RPA3: variants seen among roughly 807,000 people sequenced by gnomAD.
The protein encoded by RPA3 is replication protein A 14 kDa subunit.
In RPA3, 24 loss-of-function variants were observed where a neutral mutation model predicts 13.7. That is an observed-to-expected ratio of 1.75 (90% CI 1.27 to 2.46). RPA3 has a LOEUF of 2.46. RPA3 is among the 30% of genes most tolerant of loss of function. The pLI is 0.00. For synonymous variants in RPA3, 59 were observed against 51.2 expected (o/e 1.15, Z -0.65); for missense variants, 183 against 151.0 (o/e 1.21, Z -1.11).
chr7:7,639,152 C>G lies in RPA3; in HGVS notation c.100-8G>C. ...TTTTCCGGTGGGATGAATCTAAAAA[C>G]GAAACATATAATTAAAATCTCACTA... On this transcript the variant is annotated splice_polypyrimidine_tract_variant and splice_region_variant and intron_variant, in intron 5 of 7. Transcript: ENST00000223129. 6.2e-7 allele frequency: 1 copy of G among 1,603,052 alleles called. No homozygotes were observed. Among genetic ancestry groups the G allele is most frequent in the Non-Finnish European group, 8.5e-7 (1 of 1,174,198 alleles).
chr7:7,713,507 A>G (rs1266315909), intron 2 of RPA3, among the ~76,000 whole-genome samples: 1 of 149,210 alleles, frequency 6.7e-6, no homozygotes, highest in African/African-American at 2.5e-5. Context: ...TTGCTTTACT[A>G]TTTATTTTCT....
intron 4 of RPA3, among the ~76,000 whole-genome samples, chr7:7,674,174 C>T (rs1047320548): frequency 3.3e-5 from 5 of 152,170 alleles, no homozygotes; most frequent in Non-Finnish European, 5.9e-5. Context: ...TGGACCTCCT[C>T]CCACCAAATT....
At chr7:7,682,662 G>A (rs1354142736) in intron 4 of RPA3, among the ~76,000 whole-genome samples, 1 of 152,182 alleles carries the variant, frequency 6.6e-6, no homozygotes, top group Non-Finnish European at 1.5e-5. Flanking sequence ...TACAAAAAAT[G>A]TATACCAGAT....
At chr7:7,642,705 A>G (rs1345422751) in intron 4 of RPA3, among the ~76,000 whole-genome samples, 2 of 152,172 alleles carry the variant, frequency 1.3e-5, no homozygotes, top group Non-Finnish European at 2.9e-5. Context: ...GAGAAATGAA[A>G]TGAATCCATG....
chr7:7,640,229 G>A, intron 5 of RPA3, 91 bp downstream of exon 5: 3 of 1,351,024 alleles, frequency 2.2e-6, no homozygotes, highest in Non-Finnish European at 3.2e-6. Flanking sequence ...AGTGATCGGA[G>A]GCTTTCCGTC....
rs374767756 is a variant in RPA3 at position 7,676,787 on chromosome 7, C to T, written c.-758+9043G>A. On this transcript the variant is annotated intron_variant, in intron 4 of 7. Coordinates refer to ENST00000223129, the MANE Select transcript of RPA3 (RefSeq NM_002947.5). Reference sequence around the variant, plus strand: ...TATATGGTTTAATTAGTGAAAACATCCTTCAGTGGTGAAGAACTTAACTGA... The same window carrying T: ...TATATGGTTTAATTAGTGAAAACATTCTTCAGTGGTGAAGAACTTAACTGA... 4.9e-4 allele frequency among the ~76,000 whole-genome samples: 74 copies of T among 152,178 alleles called. No homozygotes were observed. The South Asian group carries it at 8.3e-3, about 17-fold the overall frequency.
At chr7:7,656,941 A>G (rs1785357942) in intron 4 of RPA3, among the ~76,000 whole-genome samples, 1 of 152,190 alleles carries the variant, frequency 6.6e-6, no homozygotes, top group African/African-American at 2.4e-5. Flanking sequence ...ACAGTGTTAA[A>G]AGCCTTCCTA....
At chr7:7,692,743 G>C (rs1780202566) in intron 2 of RPA3, among the ~76,000 whole-genome samples, 1 of 152,094 alleles carries the variant, frequency 6.6e-6, no homozygotes, top group African/African-American at 2.4e-5. Flanking sequence ...CCGAGTAGTT[G>C]GGACTACAGG....
chr7:7,646,719 G>A (rs1785103728), intron 4 of RPA3, among the ~76,000 whole-genome samples: 1 of 151,984 alleles, frequency 6.6e-6, no homozygotes, highest in Non-Finnish European at 1.5e-5. Context: ...TTCCCTTGGA[G>A]TTCGGCTGTC....
At chr7:7,697,124 A>T (rs1249651186) in intron 2 of RPA3, among the ~76,000 whole-genome samples, 4 of 152,084 alleles carry the variant, frequency 2.6e-5, no homozygotes, top group African/African-American at 4.8e-5. Flanking sequence ...TTTTCTTTTT[A>T]TTTAAAAAAT....
chr7:7,704,871 AC>A (rs1780560188), intron 2 of RPA3, among the ~76,000 whole-genome samples: 1 of 152,072 alleles, frequency 6.6e-6, no homozygotes, highest in African/African-American at 2.4e-5. Flanking sequence ...TTGAAAAAAA[AC>A]GATGTGTTTT....
intron 5 of RPA3, 50 bp from the exon 6 acceptor site, chr7:7,639,194 T>C (rs755248674): frequency 1.0e-5 from 14 of 1,394,402 alleles, no homozygotes; most frequent in Non-Finnish European, 1.4e-5. Context: ...CAACAAAGTT[T>C]GACTAAAGAT....
At chr7:7,647,006 C>T (rs992861997) in intron 4 of RPA3, among the ~76,000 whole-genome samples, 1 of 152,098 alleles carries the variant, frequency 6.6e-6, no homozygotes, top group East Asian at 1.9e-4. Context: ...GCCGCTTGTC[C>T]GTATCAGTTA....
At chr7:7,659,193 C>T (rs971691488) in intron 4 of RPA3, among the ~76,000 whole-genome samples, 1 of 152,088 alleles carries the variant, frequency 6.6e-6, no homozygotes, top group African/African-American at 2.4e-5. Context: ...ATTCTTCTCT[C>T]TTTTCTTCTT....
chr7:7,695,348 G>T (rs1780284910), intron 2 of RPA3, among the ~76,000 whole-genome samples: 1 of 152,164 alleles, frequency 6.6e-6, no homozygotes, highest in African/African-American at 2.4e-5. Flanking sequence ...TTGTAACACA[G>T]AATGATTATG....
chr7:7,663,062 C>A (rs1249212592), intron 4 of RPA3, among the ~76,000 whole-genome samples: 3 of 151,698 alleles, frequency 2.0e-5, no homozygotes, highest in Admixed American at 2.0e-4. Context: ...TTATTATAAC[C>A]CAGCACAGGC....
intron 2 of RPA3, among the ~76,000 whole-genome samples, chr7:7,691,881 G>C (rs1583741930): frequency 1.3e-5 from 2 of 152,120 alleles, no homozygotes; most frequent in Admixed American, 6.6e-5. Context: ...ATTTTATCTG[G>C]CTAGTAGCTC....
intron 4 of RPA3, among the ~76,000 whole-genome samples, chr7:7,677,144 T>A (rs551963197): frequency 1.1e-3 from 164 of 152,300 alleles, no homozygotes; most frequent in Non-Finnish European, 2.0e-3. Context: ...TGTATATATT[T>A]ACAGGGTACA....
chr7:7,717,317 A>G (rs755876837), intron 1 of RPA3, among the ~76,000 whole-genome samples: 23 of 152,150 alleles, frequency 1.5e-4, no homozygotes, highest in Non-Finnish European at 2.6e-4. Context: ...TCAGCATCCC[A>G]AAGTGCTGGA....
Sources: gnomAD v4.1 joint callset for allele counts (sites outside exome capture counted in the v4.1 genomes callset) on GRCh38, gnomAD v4.1.1 for gene constraint, MANE v1.5 for transcripts, NCBI Gene and HGNC (gene_info 2026-07-23, HGNC 2026-07-21) for gene names.